The following KATNAL1 variants were observed in gnomAD, a reference collection of about 807,000 sequenced individuals.
KATNAL1 encodes the protein katanin p60 ATPase-containing subunit A-like 1.
In KATNAL1, 32 loss-of-function variants were observed where a neutral mutation model predicts 55.2. That is an observed-to-expected ratio of 0.58 (90% CI 0.44 to 0.78). The LOEUF is 0.78. Among genes scored for constraint, KATNAL1 ranks in the 30% least tolerant of loss-of-function variants. The pLI, the probability that KATNAL1 is intolerant of heterozygous loss-of-function variation, is 0.00. For synonymous variants in KATNAL1, 193 were observed against 193.6 expected, an observed-to-expected ratio of 1.00 and a Z score of 0.02; for missense variants, 466 against 600.9, an observed-to-expected ratio of 0.78 and a Z score of 2.35.
intron 9 of KATNAL1, among the ~76,000 whole-genome samples, chr13:30,213,284 G>T (rs1873874559): frequency 6.6e-6 from 1 of 152,106 alleles, no homozygotes; most frequent in South Asian, 2.1e-4. Flanking sequence ...ATAATCAATA[G>T]CTTACCAACC....
At chr13:30,248,244 T>C (rs1247727385) in intron 4 of KATNAL1, among the ~76,000 whole-genome samples, 1 of 152,160 alleles carries the variant, frequency 6.6e-6, no homozygotes, top group Non-Finnish European at 1.5e-5. Context: ...AAGACTAAGC[T>C]GACATTTGCA....
At chr13:30,211,282 T>C (rs1873664982) in intron 9 of KATNAL1, among the ~76,000 whole-genome samples, 1 of 152,202 alleles carries the variant, frequency 6.6e-6, no homozygotes, top group African/African-American at 2.4e-5. Flanking sequence ...ATTGCTAACA[T>C]TTTGCCATTA....
intron 8 of KATNAL1, 35 bp from the exon 9 acceptor site, chr13:30,227,581 TC>T (rs1237306888): frequency 2.5e-6 from 4 of 1,581,044 alleles, no homozygotes; most frequent in Non-Finnish European, 3.4e-6. Flanking sequence ...ATAGTGTTTT[TC>T]TTACAACTCT....
At chr13:30,269,218 A>G (rs2137499177) in intron 3 of KATNAL1, among the ~76,000 whole-genome samples, 1 of 152,262 alleles carries the variant, frequency 6.6e-6, no homozygotes, top group South Asian at 2.1e-4. Flanking sequence ...AGTGCCTGCG[A>G]TTGCAGGCGC....
At position 30,205,638 on chromosome 13, in the gene KATNAL1, G is replaced by GTGTA. The variant is rs1555256427; in HGVS notation, c.*2901_*2902insTACA. ...AGTGTGTGTGTGTGTGTGTATGTGAGTGTGAGTGTGTGTGTGATGTACATT... is the reference window on the plus strand; with the variant it reads ...AGTGTGTGTGTGTGTGTGTATGTGAGTGTATGTGAGTGTGTGTGTGATGTACATT... On this transcript the variant is annotated 3_prime_UTR_variant, in exon 11 of 11. Coordinates refer to ENST00000380615, the MANE Select transcript of KATNAL1 (RefSeq NM_032116.5). 7.6e-5 allele frequency: 2 copies of GTGTA among 26,262 alleles called. No homozygotes were observed. Among genetic ancestry groups the GTGTA allele is most frequent in the Non-Finnish European group, 1.3e-4 (2 of 15,206 alleles). 1.6% of individuals were successfully genotyped at this position (26,262 alleles called of 1,614,324 possible). A position where few individuals can be genotyped will look rare whatever the true frequency, so the allele number is the denominator to read the frequency against.
intron 3 of KATNAL1, among the ~76,000 whole-genome samples, chr13:30,260,636 T>C (rs925195618): frequency 1.3e-4 from 19 of 151,908 alleles, no homozygotes; most frequent in African/African-American, 4.3e-4. Context: ...GAAGATGAAG[T>C]GAATGAAATG....
intron 9 of KATNAL1, among the ~76,000 whole-genome samples, chr13:30,219,004 ATATGGG>A (rs1394434544): frequency 3.3e-5 from 5 of 152,222 alleles, no homozygotes; most frequent in African/African-American, 4.8e-5. Flanking sequence ...TCTTAAATAA[ATATGGG>A]TATTTCTTTA....
At chr13:30,237,854 T>C (rs1347023848) in intron 6 of KATNAL1, among the ~76,000 whole-genome samples, 1 of 152,236 alleles carries the variant, frequency 6.6e-6, no homozygotes, top group Non-Finnish European at 1.5e-5. Context: ...ATCATCACTA[T>C]TTTGCCATAG....
chr13:30,209,550 T>C (rs1021670805), intron 10 of KATNAL1, among the ~76,000 whole-genome samples: 5 of 152,194 alleles, frequency 3.3e-5, no homozygotes, highest in Admixed American at 3.3e-4. Flanking sequence ...AGAAAAAAAA[T>C]AACTGCAGTG....
chr13:30,283,129 G>A (rs1489247226), intron 2 of KATNAL1, among the ~76,000 whole-genome samples: 9 of 151,250 alleles, frequency 6.0e-5, no homozygotes, highest in South Asian at 2.1e-4. Flanking sequence ...TTAACTGGGC[G>A]TGGTGGCACA....
intron 9 of KATNAL1, among the ~76,000 whole-genome samples, chr13:30,225,866 A>G (rs1216804444): frequency 2.6e-5 from 4 of 152,204 alleles, no homozygotes; most frequent in Non-Finnish European, 5.9e-5. Context: ...GATACCATAA[A>G]GAAAATCAAA....
In KATNAL1 at chr13:30,237,202, A is replaced by G. The variant is rs147643388; in HGVS notation, c.726+3258T>C. The stretch of plus-strand genomic sequence containing the variant: ...TCCTCTGCACTTAGCCTATCATGTG[A>G]CACAAGGTAAATACTCAATAAATAT... On this transcript the variant is annotated intron_variant, in intron 6 of 10. Coordinates refer to ENST00000380615, the MANE Select transcript of KATNAL1 (RefSeq NM_032116.5). 2.0e-3 allele frequency among the ~76,000 whole-genome samples: 300 copies of G among 152,324 alleles called. 5 individuals carry two copies. The highest frequency in any genetic ancestry group is 1.6e-4 in the Non-Finnish European group (11 of 68,040).
intron 3 of KATNAL1, among the ~76,000 whole-genome samples, chr13:30,256,450 T>C (rs1374018710): frequency 6.6e-6 from 1 of 152,306 alleles, no homozygotes; most frequent in East Asian, 1.9e-4. Flanking sequence ...TCTGTTTTCC[T>C]ACCTTTTCTC....
At chr13:30,274,726 C>T (rs1390828102) in intron 3 of KATNAL1, among the ~76,000 whole-genome samples, 2 of 152,130 alleles carry the variant, frequency 1.3e-5, no homozygotes, top group Non-Finnish European at 2.9e-5. Context: ...TCTGAGCATA[C>T]AGCCAAAGAA....
chr13:30,216,347 G>C (rs1874227702), intron 9 of KATNAL1, among the ~76,000 whole-genome samples: 1 of 152,132 alleles, frequency 6.6e-6, no homozygotes, highest in South Asian at 2.1e-4. Flanking sequence ...CTGAGTTCCA[G>C]GGAGGCTCCA....
At chr13:30,217,142 A>ATTT (rs1360540217) in intron 9 of KATNAL1, among the ~76,000 whole-genome samples, 1 of 152,134 alleles carries the variant, frequency 6.6e-6, no homozygotes, top group African/African-American at 2.4e-5. Context: ...TATTCTTAAG[A>ATTT]TTTACCAGCT....
chr13:30,292,742 C>G lies in KATNAL1; in HGVS notation c.-14-8951G>C, dbSNP rs1001159036. ...CTCTTACCTTTATGGAGCACATTTT[C>G]TACAGTTGGGAGAAAAAATTTTTGC... is the stretch of plus-strand genomic sequence containing the variant. On this transcript the variant is annotated intron_variant, in intron 1 of 10. Transcript: ENST00000380615. Among the ~76,000 whole-genome samples, 117 of 152,018 alleles carry G rather than the reference C, an allele frequency of 7.7e-4. 2 individuals carry two copies. The highest frequency in any genetic ancestry group is 7.6e-3 in the Admixed American group (116 of 15,276).
At chr13:30,278,731 T>A (rs1385814745) in intron 3 of KATNAL1, among the ~76,000 whole-genome samples, 1 of 152,244 alleles carries the variant, frequency 6.6e-6, no homozygotes, top group Non-Finnish European at 1.5e-5. Flanking sequence ...AGGTATTTCA[T>A]TGTACATACA....
At chr13:30,257,649 C>T (rs548275137) in intron 3 of KATNAL1, among the ~76,000 whole-genome samples, 25 of 152,228 alleles carry the variant, frequency 1.6e-4, no homozygotes, top group Non-Finnish European at 3.5e-4. Flanking sequence ...ACAAATCCCG[C>T]TCAGTAAAGC....
Sources: gnomAD v4.1 joint callset for allele counts (sites outside exome capture counted in the v4.1 genomes callset) on GRCh38, gnomAD v4.1.1 for gene constraint, MANE v1.5 for transcripts, NCBI Gene and HGNC (gene_info 2026-07-23, HGNC 2026-07-21) for gene names.